Variants in NF2 observed in about 807,000 individuals in gnomAD.
NF2 encodes NF2, moesin-ezrin-radixin like (MERLIN) tumor suppressor.
In NF2, 8 loss-of-function variants were observed where a neutral mutation model predicts 83.7. The observed-to-expected ratio is 0.10, with a 90% CI of 0.06 to 0.17. The LOEUF (loss-of-function observed/expected upper bound fraction) is 0.17, where lower values mean the gene tolerates loss of function less well. Ranked by LOEUF, NF2 falls within the 10% of genes least tolerant of loss-of-function variation. The probability of loss-of-function intolerance (pLI) is 1.00; values close to 1 mark genes in which losing one functional copy is unlikely to be tolerated. For missense variants in NF2, 533 were observed against 744.4 expected (o/e 0.72, Z 3.31); for synonymous variants, 266 against 269.6 (o/e 0.99, Z 0.13).
chr22:29,678,787 G>T (rs2530675), intron 14 of NF2, among the ~76,000 whole-genome samples: 46,118 of 152,200 alleles, frequency 0.3, 7,360 homozygotes, highest in Non-Finnish European at 0.36. Context: ...CTGACAGCTG[G>T]TGGGGCCACT....
intron 1 of NF2, among the ~76,000 whole-genome samples, chr22:29,621,774 C>A (rs572872916): frequency 1.3e-5 from 2 of 152,308 alleles, no homozygotes; most frequent in South Asian, 4.1e-4. Flanking sequence ...TCCTCACGCA[C>A]CCTCTTGCTC....
chr22:29,636,813 C>T lies in NF2; in HGVS notation c.177C>T (p.Thr59=), dbSNP rs757125309. ...GCCGGACTCTGGGGCTCCGAGAAAC[C>T]TGGTTCTTTGGACTGCAGTACACAA... is the stretch of plus-strand genomic sequence containing the variant. ...LVCRTLGLRE[T]WFFGLQYTIK... Residue 59 remains threonine (T), a synonymous_variant, in exon 2 of 16, where the codon ACC becomes ACT. Coordinates refer to ENST00000338641, the MANE Select transcript of NF2 (RefSeq NM_000268.4). This position sits in a 1 kb window ranked among gnomAD's most constrained non-coding sequence, Gnocchi z 4.4. 2 of 1,614,128 alleles carry T rather than the reference C, an allele frequency of 1.2e-6. No individual in the cohort carries two copies. Among genetic ancestry groups the T allele is most frequent in the South Asian group, 1.1e-5 (1 of 91,070 alleles).
rs1038843677 is a variant in NF2, at chr22:29,682,862, T to C, written c.1737+1261T>C. On this transcript the variant is annotated intron_variant, in intron 15 of 15. Transcript: ENST00000338641. ...TGCCCTCAGCCACAGAAACCTGCAG[T>C]GTGAGAGCTGGAGAGACCCCGTTCC... 3.8e-6 allele frequency: 3 copies of C among 795,552 alleles called. No homozygotes were observed. In the Admixed American group the frequency reaches 6.0e-5, roughly 16 times the overall value. The allele number at this position is 795,552 out of a possible 1,614,324, so 49.3% of individuals were successfully genotyped here. A position where few individuals can be genotyped will look rare whatever the true frequency, so the allele number is the denominator to read the frequency against.
chr22:29,613,787 T>G (rs897190120), intron 1 of NF2, among the ~76,000 whole-genome samples: 11 of 149,164 alleles, frequency 7.4e-5, no homozygotes, highest in African/African-American at 2.2e-4. Flanking sequence ...TGAGATGGAG[T>G]CTCGCTCTGT....
chr22:29,648,764 G>GT (rs1164324849), intron 4 of NF2, among the ~76,000 whole-genome samples: 2 of 152,076 alleles, frequency 1.3e-5, no homozygotes, highest in Admixed American at 6.6e-5. Flanking sequence ...TAATTTTTGT[G>GT]TTTTTTGTAG....
rs549172881 is a variant in NF2, at chr22:29,616,738, G to A, written c.114+12626G>A. Among the ~76,000 whole-genome samples, 9 of 145,956 alleles carry A rather than the reference G, an allele frequency of 6.2e-5. No homozygotes were observed. In the South Asian group the frequency reaches 6.5e-4, roughly 10 times the overall value. ...GCCTGGGCAACAAGAGTGAAACTCCGTCTCAAGAAAAAAAAAAAAAAAAAG... is the reference window on the plus strand; with the variant it reads ...GCCTGGGCAACAAGAGTGAAACTCCATCTCAAGAAAAAAAAAAAAAAAAAG... On this transcript the variant is annotated intron_variant, in intron 1 of 15. Coordinates refer to ENST00000338641, the MANE Select transcript of NF2 (RefSeq NM_000268.4).
At position 29,678,197 on chromosome 22, in the gene NF2, C is replaced by G; in HGVS notation, c.1448C>G (p.Pro483Arg). 1 of 1,614,010 alleles carries G rather than the reference C, an allele frequency of 6.2e-7. No homozygotes were observed. Among genetic ancestry groups the G allele is most frequent in the Non-Finnish European group, 8.5e-7 (1 of 1,179,936 alleles). The change falls in exon 14 of 16, where the codon CCC becomes CGC. Residue 483 changes from proline (P) to arginine (R), a missense_variant and splice_region_variant. Around this residue, in one of 3 missense-constraint regions of NF2, gnomAD observed 199 missense variants for 240.7 expected, o/e 0.83. Coordinates refer to ENST00000338641, the MANE Select transcript of NF2 (RefSeq NM_000268.4). ...LEIATKPTYP[P>R]MNPIPAPLPP... is the part of the protein sequence containing the mutation. Reference sequence around the variant, plus strand: ...TAATCCGAAATTTCTCATTAACAGCCCATGAACCCAATTCCAGCACCGTTG... The same window carrying G: ...TAATCCGAAATTTCTCATTAACAGCGCATGAACCCAATTCCAGCACCGTTG...
Sources: allele counts gnomAD v4.1 joint callset (sites outside exome capture counted in the v4.1 genomes callset), GRCh38; gene constraint gnomAD v4.1.1; regional missense constraint gnomAD v4.1.1; non-coding constraint Gnocchi (gnomAD v3.1); transcripts MANE v1.5; gene names NCBI Gene and HGNC (gene_info 2026-07-23, HGNC 2026-07-21).